Variants in MILR1 observed in about 807,000 individuals in gnomAD.
MILR1 encodes the protein mast cell immunoglobulin like receptor 1, also known as allergin-1.
In MILR1, 31 loss-of-function variants were observed where a neutral mutation model predicts 18.5. The ratio of observed to expected loss-of-function variants is 1.68; its 90% CI spans 1.26 to 2.26. MILR1 has a LOEUF of 2.26. Ranked by LOEUF, MILR1 falls within the 30% of genes most tolerant of loss-of-function variation. The pLI, the probability that MILR1 is intolerant of heterozygous loss-of-function variation, is 0.00. For missense variants in MILR1, 257 were observed against 157.4 expected (o/e 1.63, Z -3.38); for synonymous variants, 85 against 56.2 (o/e 1.51, Z -2.30).
downstream of MILR1, among the ~76,000 whole-genome samples, chr17:64,471,735 T>G (rs2037689561): frequency 6.6e-6 from 1 of 152,214 alleles, no homozygotes; most frequent in Admixed American, 6.5e-5. Context: ...AAGGATTGCT[T>G]GAGCCCAGGA....
chr17:64,471,503 G>A (rs1370751719), downstream of MILR1, among the ~76,000 whole-genome samples: 2 of 152,198 alleles, frequency 1.3e-5, no homozygotes, highest in South Asian at 2.1e-4. Context: ...GTGAACATGT[G>A]TATTGTGCAA....
the MILR1 span, chr17:64,497,078 G>A: frequency 3.4e-6 from 4 of 1,161,984 alleles, no homozygotes; most frequent in South Asian, 3.8e-5. Context: ...CAACGGAGGT[G>A]AGCGTGCTTG....
the MILR1 span, among the ~76,000 whole-genome samples, chr17:64,490,205 G>A: frequency 3.3e-5 from 5 of 152,294 alleles, no homozygotes; most frequent in South Asian, 8.3e-4. Context: ...TTACAGGCGT[G>A]AGCCACTGCG....
chr17:64,451,515 T>C (rs1336359422), intron 2 of MILR1, among the ~76,000 whole-genome samples: 5 of 152,154 alleles, frequency 3.3e-5, no homozygotes, highest in African/African-American at 1.2e-4. Context: ...TGCAGTTGCC[T>C]CATTACTTGT....
the MILR1 span, among the ~76,000 whole-genome samples, chr17:64,482,643 T>A: frequency 6.6e-6 from 1 of 152,144 alleles, no homozygotes; most frequent in Non-Finnish European, 1.5e-5. Flanking sequence ...AGCAAATGAA[T>A]CAAAATAAAA....
intron 5 of MILR1, among the ~76,000 whole-genome samples, chr17:64,462,273 TC>T (rs1212837466): frequency 6.6e-6 from 1 of 151,868 alleles, no homozygotes; most frequent in Non-Finnish European, 1.5e-5. Context: ...CAAACAATCC[TC>T]CCACCTCGGC....
At chr17:64,490,381 G>A in the MILR1 span, 6 of 230,360 alleles carry the variant, frequency 2.6e-5, no homozygotes, top group Non-Finnish European at 5.2e-5. Flanking sequence ...TAGTACTCCC[G>A]ACAAAAATAC....
At chr17:64,461,140 C>T (rs1371977578) in intron 5 of MILR1, among the ~76,000 whole-genome samples, 1 of 152,068 alleles carries the variant, frequency 6.6e-6, no homozygotes, top group East Asian at 1.9e-4. Flanking sequence ...CCAGGGAAAG[C>T]CTTTTCTGTT....
At chr17:64,467,935 CAAAAAAAAA>C (rs112297771) in intron 9 of MILR1, 15 of 158,982 alleles carry the variant, frequency 9.4e-5, no homozygotes, top group Admixed American at 2.1e-4. Context: ...GACTTCATCT[CAAAAAAAAA>C]AAAAAAAAAA....
the MILR1 span, among the ~76,000 whole-genome samples, chr17:64,476,285 A>G: frequency 6.6e-6 from 1 of 152,340 alleles, no homozygotes; most frequent in East Asian, 1.9e-4. Flanking sequence ...ATTCCTTGAT[A>G]TCATGTAGTG....
chr17:64,480,144 C>A, the MILR1 span: 2 of 251,842 alleles, frequency 7.9e-6, no homozygotes, highest in Non-Finnish European at 1.5e-5. Context: ...TAACTAAATG[C>A]ACATAGTTCT....
chr17:64,485,108 T>C, the MILR1 span: 11 of 152,360 alleles, frequency 7.2e-5, no homozygotes, highest in African/African-American at 2.7e-4. Context: ...AAATATCTCC[T>C]TTTCAAGATA....
chr17:64,486,760 T>G, the MILR1 span: 2 of 152,118 alleles, frequency 1.3e-5, no homozygotes, highest in African/African-American at 4.8e-5. Context: ...GGGTTTGGAG[T>G]ATAATTTTCT....
At chr17:64,459,992 TTTTATTTA>T (rs202053813) in intron 4 of MILR1, among the ~76,000 whole-genome samples, 15,531 of 123,978 alleles carry the variant, frequency 0.13, 927 homozygotes, top group Admixed American at 0.15. Context: ...TTTTATTTTA[TTTTATTTA>T]TTTATTTATT....
rs1555662901 is a variant in MILR1 at position 64,465,440 on chromosome 17, C to T, written c.764-12C>T. 6.5e-7 allele frequency: 1 copy of T among 1,539,654 alleles called. No individual in the cohort carries two copies. Among genetic ancestry groups the T allele is most frequent in the East Asian group, 2.3e-5 (1 of 44,208 alleles). ...ATTGGTTTAATTTGATGATTCCTAC[C>T]TATTTACGTAGGAAAAGCTATGAGA... On this transcript the variant is annotated splice_polypyrimidine_tract_variant and intron_variant, in intron 5 of 9. Transcript: ENST00000619286.
chr17:64,449,509 T>C (rs2037117827), intron 2 of MILR1, among the ~76,000 whole-genome samples, 154 bp downstream of exon 2: 1 of 152,238 alleles, frequency 6.6e-6, no homozygotes, highest in South Asian at 2.1e-4. Flanking sequence ...TAAAATAAAA[T>C]GATTTTAGGG....
the MILR1 span, among the ~76,000 whole-genome samples, chr17:64,479,973 C>T: frequency 4.2e-4 from 64 of 152,336 alleles, 2 homozygotes; most frequent in Admixed American, 4.1e-3. Flanking sequence ...GCATTCCACT[C>T]ATATTCCTTC....
At chr17:64,474,320 C>T in the MILR1 span, among the ~76,000 whole-genome samples, 6 of 152,158 alleles carry the variant, frequency 3.9e-5, no homozygotes, top group Non-Finnish European at 8.8e-5. Flanking sequence ...AATGATCCAC[C>T]CACCTCAGTC....
At chr17:64,477,081 G>A in the MILR1 span, among the ~76,000 whole-genome samples, 1 of 152,106 alleles carries the variant, frequency 6.6e-6, no homozygotes, top group Non-Finnish European at 1.5e-5. Context: ...TCAAAAATCC[G>A]TAAATACTCT....
Sources: allele counts gnomAD v4.1 joint callset (sites outside exome capture counted in the v4.1 genomes callset), GRCh38; gene constraint gnomAD v4.1.1; transcripts MANE v1.5; gene names NCBI Gene and HGNC (gene_info 2026-07-23, HGNC 2026-07-21).